The following AKAP6 variants were observed in gnomAD, a reference collection of about 807,000 sequenced individuals.
The protein encoded by AKAP6 is A-kinase anchor protein 6.
In AKAP6, 58 loss-of-function variants were observed where a neutral mutation model predicts 188.5. The ratio of observed to expected loss-of-function variants is 0.31; its 90% CI spans 0.25 to 0.38. The LOEUF is 0.38. Ranked by LOEUF, AKAP6 falls within the 10% of genes least tolerant of loss-of-function variation. The pLI, the probability that AKAP6 is intolerant of heterozygous loss-of-function variation, is 1.00. For missense variants in AKAP6, 2,710 were observed against 2,740.0 expected (o/e 0.99, Z 0.24); for synonymous variants, 989 against 998.6 (o/e 0.99, Z 0.18).
intron 9 of AKAP6, among the ~76,000 whole-genome samples, chr14:32,731,800 G>T (rs990501279): frequency 1.3e-5 from 2 of 152,060 alleles, no homozygotes; most frequent in Non-Finnish European, 2.9e-5. Context: ...TCTTTTAGGA[G>T]AGACTCTCTT....
chr14:32,466,843 A>ATTT (rs1484545832), intron 2 of AKAP6, among the ~76,000 whole-genome samples: 2 of 144,126 alleles, frequency 1.4e-5, no homozygotes, highest in African/African-American at 5.3e-5. Flanking sequence ...ATATATATAT[A>ATTT]TATTTTCTTT....
intron 2 of AKAP6, among the ~76,000 whole-genome samples, chr14:32,519,472 A>G (rs1006808424): frequency 2.6e-5 from 4 of 152,144 alleles, no homozygotes; most frequent in Non-Finnish European, 5.9e-5. Context: ...GAGACACACA[A>G]AAACTCAAAA....
intron 7 of AKAP6, among the ~76,000 whole-genome samples, chr14:32,617,370 C>G (rs1374033758): frequency 6.6e-6 from 1 of 152,044 alleles, no homozygotes; most frequent in African/African-American, 2.4e-5. Context: ...CAAAATGACT[C>G]TCAATTTTAT....
At chr14:32,704,836 G>T (rs17099465) in intron 9 of AKAP6, among the ~76,000 whole-genome samples, 3,245 of 152,220 alleles carry the variant, frequency 0.021, 113 homozygotes, top group African/African-American at 0.074. Context: ...ACAAGGAAAT[G>T]TATAAGGTAC....
intron 1 of AKAP6, among the ~76,000 whole-genome samples, chr14:32,345,725 T>C (rs1691990862): frequency 6.6e-6 from 1 of 152,212 alleles, no homozygotes; most frequent in South Asian, 2.1e-4. Context: ...TTCCCTGGAC[T>C]CTGGCCTGAG....
chr14:32,356,583 T>C (rs1309131934), intron 1 of AKAP6, among the ~76,000 whole-genome samples: 6 of 152,160 alleles, frequency 3.9e-5, no homozygotes, highest in Admixed American at 3.9e-4. Flanking sequence ...TTTCCTTACA[T>C]GGGAATCTTC....
chr14:32,430,121 T>C (rs1267249405), intron 1 of AKAP6, among the ~76,000 whole-genome samples: 8 of 152,228 alleles, frequency 5.3e-5, no homozygotes, highest in African/African-American at 1.7e-4. Flanking sequence ...TCAATAATAC[T>C]TGTAGGCTTT....
intron 4 of AKAP6, among the ~76,000 whole-genome samples, chr14:32,575,724 TAG>T (rs1300862933): frequency 6.6e-6 from 1 of 152,138 alleles, no homozygotes; most frequent in Non-Finnish European, 1.5e-5. Context: ...CTTGGTACAA[TAG>T]AGAGATTTTC....
chr14:32,763,980 A>G (rs1001640809), intron 11 of AKAP6, among the ~76,000 whole-genome samples: 1 of 152,214 alleles, frequency 6.6e-6, no homozygotes, highest in Non-Finnish European at 1.5e-5. Context: ...CAACATTTAT[A>G]TGCAAGGTAT....
intron 1 of AKAP6, among the ~76,000 whole-genome samples, chr14:32,408,805 T>A (rs1889378694): frequency 6.6e-6 from 1 of 152,044 alleles, no homozygotes. Flanking sequence ...GGAGGGATAT[T>A]GGTGATGGGT....
intron 4 of AKAP6, among the ~76,000 whole-genome samples, chr14:32,560,065 G>A (rs964984877): frequency 1.3e-4 from 19 of 151,990 alleles, no homozygotes; most frequent in Admixed American, 1.1e-3. Flanking sequence ...AAATTTGGGG[G>A]CTGGGAGATA....
At chr14:32,670,839 T>A (rs1435959560) in intron 7 of AKAP6, among the ~76,000 whole-genome samples, 1 of 152,204 alleles carries the variant, frequency 6.6e-6, no homozygotes, top group African/African-American at 2.4e-5. Flanking sequence ...CAACAATTTT[T>A]AAAATGAAGC....
At chr14:32,508,458 C>T (rs8006810) in intron 2 of AKAP6, among the ~76,000 whole-genome samples, 120,973 of 152,092 alleles carry the variant, frequency 0.8, 48,835 homozygotes, top group African/African-American at 0.91. Flanking sequence ...GATCCGGTTG[C>T]AGGAAAGACA....
rs140741325 is a variant in AKAP6, at chr14:32,755,125, T to C, written c.3373-18553T>C. The stretch of plus-strand genomic sequence containing the variant: ...TCTGGCTTTGCTTATTCTGAGACTT[T>C]CATATGCATGCATTGGTTCACTTGG... On this transcript the variant is annotated intron_variant, in intron 11 of 13. Coordinates refer to ENST00000280979, the MANE Select transcript of AKAP6 (RefSeq NM_004274.5). Among the ~76,000 whole-genome samples, 213 of 152,338 alleles carry C rather than the reference T, an allele frequency of 1.4e-3. 3 individuals carry two copies. Among genetic ancestry groups the C allele is most frequent in the Non-Finnish European group, 2.1e-3 (142 of 68,032 alleles).
At chr14:32,803,844 T>C (rs534683919) in intron 12 of AKAP6, among the ~76,000 whole-genome samples, 1 of 152,342 alleles carries the variant, frequency 6.6e-6, no homozygotes, top group African/African-American at 2.4e-5. Flanking sequence ...CTGATCTTCC[T>C]TGACAAACTG....
At chr14:32,565,341 G>A (rs1884140065) in intron 4 of AKAP6, among the ~76,000 whole-genome samples, 2 of 152,114 alleles carry the variant, frequency 1.3e-5, no homozygotes, top group South Asian at 4.1e-4. Flanking sequence ...TCTGAATTTT[G>A]TATTTCCTCT....
At chr14:32,624,342 A>G (rs1886930750) in intron 7 of AKAP6, among the ~76,000 whole-genome samples, 1 of 152,204 alleles carries the variant, frequency 6.6e-6, no homozygotes, top group Non-Finnish European at 1.5e-5. Context: ...TGCATTTGCC[A>G]TGATATAATG....
intron 1 of AKAP6, among the ~76,000 whole-genome samples, chr14:32,346,291 A>G (rs948696838): frequency 3.3e-5 from 5 of 152,206 alleles, no homozygotes; most frequent in African/African-American, 1.2e-4. Flanking sequence ...AAGGAGGTTA[A>G]AATAAAGATG....
At chr14:32,652,081 C>G (rs1488924446) in intron 7 of AKAP6, among the ~76,000 whole-genome samples, 1 of 152,118 alleles carries the variant, frequency 6.6e-6, no homozygotes, top group Non-Finnish European at 1.5e-5. Flanking sequence ...TGTCCACCCA[C>G]TTTGCATGCT....
Sources: gnomAD v4.1 joint callset for allele counts (sites outside exome capture counted in the v4.1 genomes callset) on GRCh38, gnomAD v4.1.1 for gene constraint, MANE v1.5 for transcripts, NCBI Gene and HGNC (gene_info 2026-07-23, HGNC 2026-07-21) for gene names.